The following SLC24A4 variants were observed in gnomAD, a reference collection of about 807,000 sequenced individuals.
The protein encoded by SLC24A4 is sodium/potassium/calcium exchanger 4.
Under a neutral mutation model 79.0 loss-of-function variants are expected in SLC24A4, and 53 were observed. That is an observed-to-expected ratio of 0.67 (90% CI 0.54 to 0.84). The LOEUF is 0.84. Among genes scored for constraint, SLC24A4 ranks in the 40% least tolerant of loss-of-function variants. SLC24A4 has a pLI of 0.00. For synonymous variants in SLC24A4, 323 were observed against 323.8 expected, an observed-to-expected ratio of 1.00 and a Z score of 0.03; for missense variants, 731 against 822.0, an observed-to-expected ratio of 0.89 and a Z score of 1.35.
chr14:92,340,225 G>A lies in SLC24A4; in HGVS notation c.241+14247G>A, dbSNP rs1253767737. Reference sequence around the variant, plus strand: ...AGGCACTTACTGGGTACCCGTGGGTGGGGTACTAATGAGGCTGGGACAAAG... The same window carrying A: ...AGGCACTTACTGGGTACCCGTGGGTAGGGTACTAATGAGGCTGGGACAAAG... On this transcript the variant is annotated intron_variant, in intron 2 of 16. Coordinates refer to ENST00000532405, the MANE Select transcript of SLC24A4 (RefSeq NM_153646.4). Among the ~76,000 whole-genome samples, 3 of 152,234 alleles carry A rather than the reference G, an allele frequency of 2.0e-5. No homozygotes were observed. In the East Asian group the frequency reaches 5.8e-4, roughly 29 times the overall value.
intron 2 of SLC24A4, among the ~76,000 whole-genome samples, chr14:92,384,809 A>ACTTAAAGC (rs555390064): frequency 1.3e-3 from 194 of 152,278 alleles, no homozygotes; most frequent in African/African-American, 4.5e-3. Context: ...TCTTCCCCTG[A>ACTTAAAGC]CTTAAAGCCT....
At chr14:92,350,566 G>T (rs1886808911) in intron 2 of SLC24A4, among the ~76,000 whole-genome samples, 1 of 152,160 alleles carries the variant, frequency 6.6e-6, no homozygotes, top group Non-Finnish European at 1.5e-5. Context: ...TGAGGGTGGG[G>T]ATGATCTCCA....
At chr14:92,409,385 G>A (rs1184515934) in intron 2 of SLC24A4, among the ~76,000 whole-genome samples, 6 of 152,240 alleles carry the variant, frequency 3.9e-5, no homozygotes. Flanking sequence ...CGGTGGAGCT[G>A]CCTGGGAGCG....
At chr14:92,327,009 C>G (rs1306124517) in intron 2 of SLC24A4, among the ~76,000 whole-genome samples, 1 of 152,170 alleles carries the variant, frequency 6.6e-6, no homozygotes, top group African/African-American at 2.4e-5. Context: ...TTGTCATACT[C>G]TGTGAGGCAA....
chr14:92,456,366 A>T (rs767365388), intron 11 of SLC24A4, 38 bp from the exon 12 acceptor site: 2 of 1,608,774 alleles, frequency 1.2e-6, no homozygotes, highest in South Asian at 2.2e-5. Flanking sequence ...ATGCTTTATC[A>T]CATGCCTTGG....
At chr14:92,451,100 G>A (rs561063504) in intron 10 of SLC24A4, 2 of 152,416 alleles carry the variant, frequency 1.3e-5, no homozygotes, top group East Asian at 3.9e-4. Flanking sequence ...TGGGGAAGGA[G>A]GGAGAATCCC....
chr14:92,437,019 A>G (rs571264914), intron 3 of SLC24A4, among the ~76,000 whole-genome samples: 2 of 152,292 alleles, frequency 1.3e-5, no homozygotes, highest in South Asian at 2.1e-4. Context: ...ATTAATCCCA[A>G]TGAATGAATG....
At chr14:92,333,810 G>C (rs970250587) in intron 2 of SLC24A4, among the ~76,000 whole-genome samples, 1 of 152,114 alleles carries the variant, frequency 6.6e-6, no homozygotes, top group African/African-American at 2.4e-5. Context: ...GGGCGGTTGT[G>C]GGGTGCGGGG....
chr14:92,387,279 C>T (rs902322381), intron 2 of SLC24A4, among the ~76,000 whole-genome samples: 4 of 151,664 alleles, frequency 2.6e-5, no homozygotes, highest in Admixed American at 6.6e-5. Context: ...CAGGTTCAAG[C>T]GATTCTCCTG....
At chr14:92,333,049 G>A (rs1011717034) in intron 2 of SLC24A4, among the ~76,000 whole-genome samples, 2 of 152,174 alleles carry the variant, frequency 1.3e-5, no homozygotes, top group African/African-American at 4.8e-5. Flanking sequence ...ACTGGGATAG[G>A]CATGATTTCC....
intron 3 of SLC24A4, among the ~76,000 whole-genome samples, chr14:92,436,679 G>GT (rs2139797402): frequency 6.6e-6 from 1 of 152,330 alleles, no homozygotes; most frequent in African/African-American, 2.4e-5. Context: ...TTAGGGGCCA[G>GT]TTTTGCCTGC....
At chr14:92,444,300 A>G (rs1158702088) in intron 7 of SLC24A4, among the ~76,000 whole-genome samples, 1 of 152,196 alleles carries the variant, frequency 6.6e-6, no homozygotes, top group Non-Finnish European at 1.5e-5. Flanking sequence ...AGGAGATCCA[A>G]TGAAGGGATT....
chr14:92,397,397 G>T (rs918351700), intron 2 of SLC24A4, among the ~76,000 whole-genome samples: 20 of 152,302 alleles, frequency 1.3e-4, no homozygotes, highest in African/African-American at 4.6e-4. Flanking sequence ...AGTTATTTGG[G>T]TTTATGTCTT....
At chr14:92,460,399 C>A (rs928813716) in intron 12 of SLC24A4, among the ~76,000 whole-genome samples, 2 of 152,156 alleles carry the variant, frequency 1.3e-5, no homozygotes, top group Non-Finnish European at 2.9e-5. Context: ...TAGTGTGAAT[C>A]CTAGTGTGCT....
chr14:92,445,172 G>A (rs149492928), intron 7 of SLC24A4, 145 bp from the exon 8 acceptor site: 139 of 902,712 alleles, frequency 1.5e-4, no homozygotes, highest in Middle Eastern at 1.3e-3. Flanking sequence ...GGAAAGGCCC[G>A]TAGGTGAGCA....
At chr14:92,381,937 C>T (rs1888875980) in intron 2 of SLC24A4, among the ~76,000 whole-genome samples, 1 of 152,248 alleles carries the variant, frequency 6.6e-6, no homozygotes, top group South Asian at 2.1e-4. Flanking sequence ...AATTCACCAC[C>T]TTTCAGAAAT....
intron 10 of SLC24A4, 89 bp downstream of exon 10, chr14:92,449,305 CACACACACACACACACA>C (rs1317983284): frequency 2.3e-6 from 3 of 1,302,224 alleles, no homozygotes; most frequent in Non-Finnish European, 2.1e-6. Context: ...CACACACACA[CACACACACACACACACA>C]CCCTCTCACA....
intron 2 of SLC24A4, among the ~76,000 whole-genome samples, chr14:92,389,791 A>G (rs8022022): frequency 0.17 from 26,300 of 152,040 alleles, 3,512 homozygotes; most frequent in African/African-American, 0.37. Flanking sequence ...CCCAAGCCCC[A>G]GGGGCCCGCC....
At chr14:92,483,912 A>G in intron 13 of SLC24A4, 2 of 1,277,372 alleles carry the variant, frequency 1.6e-6, no homozygotes, top group Non-Finnish European at 2.0e-6. Flanking sequence ...TAAACGTTCC[A>G]TGCTGGCCCA....
Sources: gnomAD v4.1 joint callset for allele counts (sites outside exome capture counted in the v4.1 genomes callset) on GRCh38, gnomAD v4.1.1 for gene constraint, MANE v1.5 for transcripts, NCBI Gene and HGNC (gene_info 2026-07-23, HGNC 2026-07-21) for gene names.